USP5: variants seen among roughly 807,000 people sequenced by gnomAD.
USP5 encodes ubiquitin specific peptidase 5, also known as ubiquitin carboxyl-terminal hydrolase 5.
USP5 carries 24 observed loss-of-function variants against 102.5 expected under a neutral mutation model. The observed-to-expected ratio is 0.23, with a 90% CI of 0.17 to 0.33. USP5 has a LOEUF of 0.33. USP5 is among the 10% of genes least tolerant of loss of function. The probability of loss-of-function intolerance (pLI) is 1.00; values close to 1 mark genes in which losing one functional copy is unlikely to be tolerated. For missense variants in USP5, 753 were observed against 1,122.1 expected, an observed-to-expected ratio of 0.67 and a Z score of 4.70; for synonymous variants, 460 against 434.8, an observed-to-expected ratio of 1.06 and a Z score of -0.72.
rs781905351 is a variant in USP5, at chr12:6,858,277, G to C, written c.865-147G>C. 1 of 771,636 alleles carries C rather than the reference G, an allele frequency of 1.3e-6. No individual in the cohort carries two copies. Among genetic ancestry groups the C allele is most frequent in the African/African-American group, 1.7e-5 (1 of 57,724 alleles). The allele number at this position is 771,636 out of a possible 1,614,324, so 47.8% of individuals were successfully genotyped here. A position where few individuals can be genotyped will look rare whatever the true frequency, so the allele number is the denominator to read the frequency against. ...TGGCCTTCCAGAACTTGAACTGGAC[G>C]ATACTCAACATACCTCCCATGTTTG... On this transcript the variant is annotated intron_variant, in intron 7 of 19. Coordinates refer to ENST00000229268, the MANE Select transcript of USP5 (RefSeq NM_001098536.2). The surrounding 1 kb of genome is among the most constrained non-coding windows in gnomAD (Gnocchi z 4.2).
chr12:6,865,965 G>A lies in USP5; in HGVS notation c.2484-19G>A, dbSNP rs1555130784. 1 of 1,611,522 alleles carries A rather than the reference G, an allele frequency of 6.2e-7. No individual in the cohort carries two copies. Among genetic ancestry groups the A allele is most frequent in the Non-Finnish European group, 8.5e-7 (1 of 1,177,762 alleles). On this transcript the variant is annotated intron_variant, in intron 19 of 19. Coordinates refer to ENST00000229268, the MANE Select transcript of USP5 (RefSeq NM_001098536.2). ...ATGCCCAGTTTGTTCATCCTTTTCT[G>A]TTTTCCCCACTTCCCCAGATGGGTG...
rs1436374832 is a variant in USP5, at chr12:6,856,878, C to G, written c.756C>G (p.Thr252=). 6.2e-7 allele frequency: 1 copy of G among 1,613,826 alleles called. No individual in the cohort carries two copies. Among genetic ancestry groups the G allele is most frequent in the East Asian group, 2.2e-5 (1 of 44,876 alleles). Residue 252 remains threonine (T), a synonymous_variant, in exon 6 of 20, where the codon ACC becomes ACG. Coordinates refer to ENST00000229268, the MANE Select transcript of USP5 (RefSeq NM_001098536.2). The surrounding 1 kb of genome is among the most constrained non-coding windows in gnomAD (Gnocchi z 5.6). Reference sequence around the variant, plus strand: ...TAGCTGTCAAGCTGGGCACCATCACCCCTGATGGAGCTGGTACAGCCTCCC... The same window carrying G: ...TAGCTGTCAAGCTGGGCACCATCACGCCTGATGGAGCTGGTACAGCCTCCC... ...YPLAVKLGTI[T]PDGADVYSYD...
Position 6,858,882 on chromosome 12 carries a change from TCA to T in USP5, c.1058+269_1058+270del, listed in dbSNP as rs1270471482. ...TAAAAAAAAAAAAGAATAATTCCTG[TCA>T]CACTCTGGCTGACATGCTGTGAGGG... On this transcript the variant is annotated intron_variant, in intron 8 of 19. Coordinates refer to ENST00000229268, the MANE Select transcript of USP5 (RefSeq NM_001098536.2). The surrounding 1 kb of genome is among the most constrained non-coding windows in gnomAD (Gnocchi z 4.2). The T allele has an allele frequency of 2.8e-5, 9 of 322,508 alleles. No homozygotes were observed. Among genetic ancestry groups the T allele is most frequent in the African/African-American group, 1.6e-4 (8 of 48,750 alleles). 20.0% of individuals were successfully genotyped at this position (322,508 alleles called of 1,614,324 possible).
At position 6,864,626 on chromosome 12, in the gene USP5, T is replaced by C. The variant is rs1377794989; in HGVS notation, c.2245-96T>C. 1.4e-6 allele frequency: 2 copies of C among 1,399,204 alleles called. No homozygotes were observed. Among genetic ancestry groups the C allele is most frequent in the African/African-American group, 2.8e-5 (2 of 70,488 alleles). The allele number at this position is 1,399,204 out of a possible 1,614,324, so 86.7% of individuals were successfully genotyped here. A position where few individuals can be genotyped will look rare whatever the true frequency, so the allele number is the denominator to read the frequency against. The stretch of plus-strand genomic sequence containing the variant: ...AAGGCGTGAACCCGGGAGGCGGAGC[T>C]TGCAGTGAGCCGAGATCGCGCCACT... On this transcript the variant is annotated intron_variant, in intron 17 of 19. Coordinates refer to ENST00000229268, the MANE Select transcript of USP5 (RefSeq NM_001098536.2). This position sits in a 1 kb window ranked among gnomAD's most constrained non-coding sequence, Gnocchi z 4.8.
chr12:6,855,794 C>G lies in USP5; in HGVS notation c.277C>G (p.Arg93Gly). The change falls in exon 3 of 20, where the codon CGG becomes GGG. Residue 93 changes from arginine (R) to glycine (G), a missense_variant. Physicochemically the swap from Arg to Gly is moderately radical, Grantham distance 125. This residue lies in a region of USP5 where 527 missense variants were observed against 816.5 expected (regional missense o/e 0.65). Coordinates refer to ENST00000229268, the MANE Select transcript of USP5 (RefSeq NM_001098536.2). The surrounding 1 kb of genome is among the most constrained non-coding windows in gnomAD (Gnocchi z 4.6). ...DPATGTGDPP[R>G]KKPTRLAIGV... ...TGCTACAGGCACTGGAGACCCACCC[C>G]GGAAGAAGCCCACGCGGCTGGCTAT... 6.2e-7 allele frequency: 1 copy of G among 1,614,216 alleles called. No individual in the cohort carries two copies. Among genetic ancestry groups the G allele is most frequent in the Non-Finnish European group, 8.5e-7 (1 of 1,180,040 alleles).
chr12:6,859,678 G>C, intron 9 of USP5, 137 bp downstream of exon 9: 3 of 874,890 alleles, frequency 3.4e-6, no homozygotes, highest in South Asian at 3.0e-5. Context: ...TTTTGAGACG[G>C]AGTCTTGTTC....
rs1432420041 is a variant in USP5, at chr12:6,855,839, C to G, written c.304+18C>G. 2.5e-6 allele frequency: 4 copies of G among 1,614,022 alleles called. No homozygotes were observed. The highest frequency in any genetic ancestry group is 3.4e-6 in the Non-Finnish European group (4 of 1,179,996). On this transcript the variant is annotated intron_variant, in intron 3 of 19. Transcript: ENST00000229268. This position sits in a 1 kb window ranked among gnomAD's most constrained non-coding sequence, Gnocchi z 4.6. ...GGCTATTGGTGAGCACCGCTGCAGT[C>G]CTATTCTTCTCCCTGAGCTGGTCTT...
At position 6,864,342 on chromosome 12, in the gene USP5, C is replaced by CTGAA; in HGVS notation, c.2244+148_2244+151dup. 2 of 1,227,004 alleles carry CTGAA rather than the reference C, an allele frequency of 1.6e-6. No homozygotes were observed. The highest frequency in any genetic ancestry group is 2.2e-6 in the Non-Finnish European group (2 of 914,486). 76.0% of individuals were successfully genotyped at this position (1,227,004 alleles called of 1,614,324 possible). On this transcript the variant is annotated intron_variant, in intron 17 of 19. Transcript: ENST00000229268. The surrounding 1 kb of genome is among the most constrained non-coding windows in gnomAD (Gnocchi z 4.8). ...CTCTTTTGTGGCTGCGATGAAGGAGCTGAAGCCTGCGTTCACTGCTGGGTT... is the reference window on the plus strand; with the variant it reads ...CTCTTTTGTGGCTGCGATGAAGGAGCTGAATGAAGCCTGCGTTCACTGCTGGGTT...
rs1045156691 is a variant in USP5 at position 6,864,187 on chromosome 12, C to T, written c.2236C>T (p.Arg746Trp). The T allele has an allele frequency of 3.7e-6, 6 of 1,606,944 alleles. No homozygotes were observed. Among genetic ancestry groups the T allele is most frequent in the African/African-American group, 1.3e-5 (1 of 74,796 alleles). The stretch of plus-strand genomic sequence containing the variant: ...CCGGGACCAGGCCTTGAAAGCGCTG[C>T]GGGCCACGGTATGGGCTGCCCCAGC... ...FSRDQALKALRATNNSLERAV... is the reference protein window; with the variant it reads ...FSRDQALKALWATNNSLERAV... The change falls in exon 17 of 20, where the codon CGG becomes TGG. Residue 746 changes from arginine to tryptophan, a missense_variant. Around this residue, in one of 3 missense-constraint regions of USP5, gnomAD observed 193 missense variants for 230.2 expected, o/e 0.84. Coordinates refer to ENST00000229268, the MANE Select transcript of USP5 (RefSeq NM_001098536.2). The surrounding 1 kb of genome is among the most constrained non-coding windows in gnomAD (Gnocchi z 4.8).
Position 6,856,043 on chromosome 12 carries a change from G to A in USP5, c.331G>A (p.Glu111Lys), listed in dbSNP as rs371404734. The change falls in exon 4 of 20, where the codon GAG (glutamate) becomes AAG (lysine). Residue 111 changes from glutamate (E) to lysine (K), a missense_variant. By Grantham distance (56) the Glu-to-Lys change is moderately conservative. This residue lies in a region of USP5 where 527 missense variants were observed against 816.5 expected (regional missense o/e 0.65). Coordinates refer to ENST00000229268, the MANE Select transcript of USP5 (RefSeq NM_001098536.2). The surrounding 1 kb of genome is among the most constrained non-coding windows in gnomAD (Gnocchi z 5.6). ...IGVEGGFDLS[E>K]EKFELDEDVK... is the part of the protein sequence containing the mutation. ...TGTTGAAGGCGGATTTGACCTTAGC[G>A]AGGAGAAGTTTGAATTAGACGAGGA... 29 of 1,614,018 alleles carry A rather than the reference G, an allele frequency of 1.8e-5. No individual in the cohort carries two copies. The highest frequency in any genetic ancestry group is 2.4e-5 in the Non-Finnish European group (28 of 1,180,034).
At chr12:6,853,786 T>C (rs1210046508) in intron 1 of USP5, among the ~76,000 whole-genome samples, 1 of 152,222 alleles carries the variant, frequency 6.6e-6, no homozygotes, top group Non-Finnish European at 1.5e-5. Flanking sequence ...ATTGGGCTCA[T>C]GGTAGAAAGA....
At chr12:6,859,887 C>T (rs1473097957) in intron 9 of USP5, among the ~76,000 whole-genome samples, 1 of 152,120 alleles carries the variant, frequency 6.6e-6, no homozygotes, top group Non-Finnish European at 1.5e-5. Context: ...GATCTCCTGA[C>T]CTCGTGGTCT....
chr12:6,854,476 T>A (rs1166114582), intron 1 of USP5, among the ~76,000 whole-genome samples: 1 of 152,036 alleles, frequency 6.6e-6, no homozygotes, highest in Non-Finnish European at 1.5e-5. Flanking sequence ...TCTTTTTCGC[T>A]GGATGTTTAG....
Position 6,855,217 on chromosome 12 carries a change from T to C in USP5, c.112-184T>C, listed in dbSNP as rs1175195940. 6.6e-6 allele frequency among the ~76,000 whole-genome samples: 1 copy of C among 152,148 alleles called. No individual in the cohort carries two copies. Among genetic ancestry groups the C allele is most frequent in the Admixed American group, 6.5e-5 (1 of 15,284 alleles). ...TTGTTATCAAAGTCATGGGAGGAAA[T>C]GGGGAGAATCTTAGCTATGTCCCAG... On this transcript the variant is annotated intron_variant, in intron 1 of 19. Coordinates refer to ENST00000229268, the MANE Select transcript of USP5 (RefSeq NM_001098536.2). This position sits in a 1 kb window ranked among gnomAD's most constrained non-coding sequence, Gnocchi z 4.6.
Position 6,856,883 on chromosome 12 carries a change from A to G in USP5, c.761A>G (p.Asp254Gly). The G allele has an allele frequency of 6.2e-7, 1 of 1,613,826 alleles. No individual in the cohort carries two copies. The highest frequency in any genetic ancestry group is 8.5e-7 in the Non-Finnish European group (1 of 1,179,828). The change falls in exon 6 of 20, where the codon GAT becomes GGT. Residue 254 changes from aspartate (D) to glycine (G), a missense_variant. This residue lies in a region of USP5 where 527 missense variants were observed against 816.5 expected (regional missense o/e 0.65). Coordinates refer to ENST00000229268, the MANE Select transcript of USP5 (RefSeq NM_001098536.2). The surrounding 1 kb of genome is among the most constrained non-coding windows in gnomAD (Gnocchi z 5.6). ...GTCAAGCTGGGCACCATCACCCCTG[A>G]TGGAGCTGGTACAGCCTCCCCTCCT... Reference protein sequence around the residue: ...LAVKLGTITPDGADVYSYDED... With the variant: ...LAVKLGTITPGGADVYSYDED...
chr12:6,859,753 A>C (rs1434796114), intron 9 of USP5, among the ~76,000 whole-genome samples: 3 of 152,138 alleles, frequency 2.0e-5, no homozygotes, highest in African/African-American at 7.2e-5. Flanking sequence ...CCTGGGTTCA[A>C]GTGATTCTCC....
chr12:6,860,866 T>C lies in USP5; in HGVS notation c.1345-87T>C. On this transcript the variant is annotated intron_variant, in intron 11 of 19. Transcript: ENST00000229268. The surrounding 1 kb of genome is among the most constrained non-coding windows in gnomAD (Gnocchi z 5.5). ...CCTGAGTTCCGAGTGGTAGTCTGCC[T>C]TCTCTCCCTGACTCTCCCATGAACC... 6.4e-7 allele frequency: 1 copy of C among 1,557,400 alleles called. No homozygotes were observed. The highest frequency in any genetic ancestry group is 1.2e-5 in the South Asian group (1 of 84,996).
At chr12:6,859,674 G>T (rs781854365) in intron 9 of USP5, 133 bp downstream of exon 9, 2 of 903,748 alleles carry the variant, frequency 2.2e-6, no homozygotes, top group South Asian at 1.5e-5. Context: ...TGTTTTTTGA[G>T]ACGGAGTCTT....
Position 6,857,696 on chromosome 12 carries a change from C to G in USP5, c.837C>G (p.Phe279Leu). 1 of 1,614,136 alleles carries G rather than the reference C, an allele frequency of 6.2e-7. No individual in the cohort carries two copies. Residue 279 changes from phenylalanine to leucine, a missense_variant, in exon 7 of 20, where the codon TTC becomes TTG. Physicochemically the swap from Phe to Leu is conservative, Grantham distance 22. This residue lies in a region of USP5 where 527 missense variants were observed against 816.5 expected (regional missense o/e 0.65). Transcript: ENST00000229268. ...GCCTGGCTGAGCACCTGTCCCACTT[C>G]GGCATCGACATGCTGAAGATGCAGA... ...DPSLAEHLSHFGIDMLKMQKT... is the reference protein window; with the variant it reads ...DPSLAEHLSHLGIDMLKMQKT...
Sources: gnomAD v4.1 joint callset for allele counts (sites outside exome capture counted in the v4.1 genomes callset) on GRCh38, gnomAD v4.1.1 for gene constraint, gnomAD v4.1.1 regional missense constraint, Gnocchi (gnomAD v3.1) non-coding constraint, MANE v1.5 for transcripts, NCBI Gene and HGNC (gene_info 2026-07-23, HGNC 2026-07-21) for gene names.